Variants in ADAMTSL1 observed in about 807,000 individuals in gnomAD.
ADAMTSL1 encodes the protein ADAMTS-like protein 1.
A neutral mutation model predicts 201.8 loss-of-function variants in ADAMTSL1; 126 were observed. That is an observed-to-expected ratio of 0.62 (90% CI 0.54 to 0.72). ADAMTSL1 has a LOEUF of 0.72. ADAMTSL1 is among the 30% of genes least tolerant of loss of function. The pLI is 0.00. For synonymous variants in ADAMTSL1, 1,121 were observed against 903.4 expected (o/e 1.24, Z -4.32); for missense variants, 2,679 against 2,277.8 (o/e 1.18, Z -3.59).
intron 17 of ADAMTSL1, among the ~76,000 whole-genome samples, chr9:18,771,735 G>GTTTTTTTTTTTAA: frequency 8.6e-6 from 1 of 116,670 alleles, no homozygotes; most frequent in African/African-American, 3.2e-5. Context: ...TTTTTTTTTG[G>GTTTTTTTTTTTAA]ATAGTATACA....
chr9:18,014,247 A>G (rs1361559020), intron 1 of ADAMTSL1, among the ~76,000 whole-genome samples: 1 of 152,018 alleles, frequency 6.6e-6, no homozygotes, highest in African/African-American at 2.4e-5. Context: ...CTCCACTGGC[A>G]AAATGGAGTA....
intron 2 of ADAMTSL1, among the ~76,000 whole-genome samples, chr9:18,463,055 A>G (rs564557852): frequency 1.3e-5 from 2 of 152,314 alleles, no homozygotes; most frequent in South Asian, 4.1e-4. Context: ...ACTCATACCC[A>G]TCTAAGCTAA....
chr9:18,006,296 T>C (rs1282468567), intron 1 of ADAMTSL1, among the ~76,000 whole-genome samples: 1 of 152,006 alleles, frequency 6.6e-6, no homozygotes, highest in Non-Finnish European at 1.5e-5. Flanking sequence ...TTTGAGTACT[T>C]ATTACCTTTA....
intron 2 of ADAMTSL1, among the ~76,000 whole-genome samples, chr9:18,276,169 CA>C (rs1211136619): frequency 1.3e-5 from 2 of 152,014 alleles, no homozygotes; most frequent in African/African-American, 4.8e-5. Flanking sequence ...TCAGACCTAT[CA>C]CCCCTGCCCC....
rs547152359 is a variant in ADAMTSL1 at position 17,910,106 on chromosome 9, C to T, written c.87+3184C>T. ...CCAGTCCCGGCGCTGTCCCTAAGCG[C>T]GGTATCATTTTGGTCGAGGCCCTTA... On this transcript the variant is annotated intron_variant, in intron 1 of 29. Coordinates refer to the ADAMTSL1 transcript ENST00000680146. 7.3e-5 allele frequency among the ~76,000 whole-genome samples: 5 copies of T among 68,040 alleles called. 1 individual carries two copies. Among genetic ancestry groups the T allele is most frequent in the African/African-American group, 1.5e-4 (5 of 34,058 alleles). 44.6% of individuals were successfully genotyped at this position (68,040 alleles called of 152,430 possible). A position where few individuals can be genotyped will look rare whatever the true frequency, so the allele number is the denominator to read the frequency against.
intron 1 of ADAMTSL1, among the ~76,000 whole-genome samples, chr9:17,918,624 AT>A (rs987920294): frequency 4.0e-5 from 6 of 149,936 alleles, no homozygotes; most frequent in South Asian, 4.2e-4. Context: ...TTGTGCCTCT[AT>A]TTTTTTTTCC....
intron 1 of ADAMTSL1, among the ~76,000 whole-genome samples, chr9:17,982,571 C>A (rs1818751465): frequency 6.6e-6 from 1 of 152,070 alleles, no homozygotes; most frequent in Non-Finnish European, 1.5e-5. Context: ...GAGATCGTGC[C>A]ACTGCACTCC....
At chr9:18,108,771 GCT>G (rs1384749624) in intron 1 of ADAMTSL1, among the ~76,000 whole-genome samples, 25 of 151,918 alleles carry the variant, frequency 1.6e-4, no homozygotes, top group Non-Finnish European at 2.9e-5. Flanking sequence ...GAGAGAATTA[GCT>G]CTTTTTTTTT....
At chr9:18,535,676 CA>C (rs2132121115) in intron 3 of ADAMTSL1, among the ~76,000 whole-genome samples, 1 of 152,244 alleles carries the variant, frequency 6.6e-6, no homozygotes, top group South Asian at 2.1e-4. Flanking sequence ...CACAGCTCTT[CA>C]GGGGTGGGGA....
chr9:18,099,115 A>T (rs549454434), intron 1 of ADAMTSL1, among the ~76,000 whole-genome samples: 56 of 138,326 alleles, frequency 4.0e-4, no homozygotes, highest in Non-Finnish European at 6.2e-4. Flanking sequence ...TTTTTTTTTT[A>T]AATTGTTGTT....
intron 19 of ADAMTSL1, among the ~76,000 whole-genome samples, chr9:18,783,164 A>G (rs1821499728): frequency 1.3e-5 from 2 of 152,216 alleles, no homozygotes; most frequent in African/African-American, 2.4e-5. Context: ...CATTAGATAC[A>G]TTGAGATGAT....
intron 23 of ADAMTSL1, among the ~76,000 whole-genome samples, chr9:18,845,724 T>C (rs1435019206): frequency 6.6e-6 from 1 of 152,232 alleles, no homozygotes; most frequent in East Asian, 1.9e-4. Flanking sequence ...AAGGCTCTTG[T>C]TGACCCTAAA....
intron 1 of ADAMTSL1, among the ~76,000 whole-genome samples, chr9:18,033,280 A>G (rs1821053834): frequency 6.6e-6 from 1 of 152,194 alleles, no homozygotes; most frequent in Non-Finnish European, 1.5e-5. Flanking sequence ...TAAGTCTGTC[A>G]TCTAATGGGT....
intron 23 of ADAMTSL1, among the ~76,000 whole-genome samples, chr9:18,885,781 C>G (rs1418554908): frequency 1.3e-5 from 2 of 151,998 alleles, no homozygotes; most frequent in African/African-American, 4.8e-5. Context: ...AGCAAAGAAA[C>G]GAAGGAGGTA....
intron 1 of ADAMTSL1, among the ~76,000 whole-genome samples, chr9:18,095,660 G>A (rs1393507207): frequency 6.6e-6 from 1 of 152,020 alleles, no homozygotes; most frequent in Non-Finnish European, 1.5e-5. Context: ...CTTACCTCAG[G>A]TGATCCACCC....
At chr9:18,077,033 AC>A (rs1159477955) in intron 1 of ADAMTSL1, among the ~76,000 whole-genome samples, 3 of 152,136 alleles carry the variant, frequency 2.0e-5, no homozygotes, top group African/African-American at 7.2e-5. Flanking sequence ...GTGTCTTTAA[AC>A]GTTGGCCACA....
intron 15 of ADAMTSL1, among the ~76,000 whole-genome samples, chr9:18,744,290 C>T (rs1358868349): frequency 2.0e-5 from 3 of 152,258 alleles, no homozygotes; most frequent in African/African-American, 7.2e-5. Flanking sequence ...TGTCTGCTTT[C>T]TCCATCTTTG....
At chr9:18,113,534 C>G (rs1825120116) in intron 1 of ADAMTSL1, among the ~76,000 whole-genome samples, 1 of 152,038 alleles carries the variant, frequency 6.6e-6, no homozygotes, top group Non-Finnish European at 1.5e-5. Flanking sequence ...AAGAAAAAAG[C>G]ATTACGAGAG....
intron 4 of ADAMTSL1, among the ~76,000 whole-genome samples, chr9:18,604,595 A>G (rs1004707788): frequency 6.6e-6 from 1 of 152,190 alleles, no homozygotes; most frequent in East Asian, 1.9e-4. Flanking sequence ...TCATAATTAC[A>G]TTCCTTTTTA....
Sources: gnomAD v4.1 joint callset for allele counts (sites outside exome capture counted in the v4.1 genomes callset) on GRCh38, gnomAD v4.1.1 for gene constraint, MANE v1.5 for transcripts, NCBI Gene and HGNC (gene_info 2026-07-23, HGNC 2026-07-21) for gene names.